KCNJ6: variants seen among roughly 807,000 people sequenced by gnomAD.
KCNJ6 encodes the protein G protein-activated inward rectifier potassium channel 2.
KCNJ6 carries 9 observed loss-of-function variants against 34.2 expected under a neutral mutation model. That is an observed-to-expected ratio of 0.26 (90% CI 0.16 to 0.46). The LOEUF is 0.46. Ranked by LOEUF, KCNJ6 falls within the 20% of genes least tolerant of loss-of-function variation. The probability of loss-of-function intolerance (pLI) is 1.00; values close to 1 mark genes in which losing one functional copy is unlikely to be tolerated. For synonymous variants in KCNJ6, 196 were observed against 207.1 expected, an observed-to-expected ratio of 0.95 and a Z score of 0.46; for missense variants, 236 against 531.3, an observed-to-expected ratio of 0.44 and a Z score of 5.46.
intron 1 of KCNJ6, among the ~76,000 whole-genome samples, chr21:37,877,015 G>C (rs939992401): frequency 6.6e-6 from 1 of 152,122 alleles, no homozygotes; most frequent in Non-Finnish European, 1.5e-5. Flanking sequence ...TTATTACTAT[G>C]AGTCATGTTC....
chr21:37,915,700 CT>C (rs1331359458), intron 1 of KCNJ6, among the ~76,000 whole-genome samples, 183 bp downstream of exon 1: 1 of 152,260 alleles, frequency 6.6e-6, no homozygotes, highest in Non-Finnish European at 1.5e-5. Flanking sequence ...GATTCCCCTT[CT>C]GTTATGTAAC....
chr21:37,755,669 C>T (rs760225712), intron 2 of KCNJ6, among the ~76,000 whole-genome samples: 4 of 152,204 alleles, frequency 2.6e-5, no homozygotes, highest in Non-Finnish European at 5.9e-5. Context: ...TGTGTTTAGC[C>T]AGCAAGGGAG....
intron 2 of KCNJ6, among the ~76,000 whole-genome samples, chr21:37,836,324 A>T (rs144736978): frequency 6.6e-6 from 1 of 152,364 alleles, no homozygotes; most frequent in African/African-American, 2.4e-5. Flanking sequence ...AGTGGAATAC[A>T]GTGTGGCGAT....
At chr21:37,801,723 G>A (rs1405877949) in intron 2 of KCNJ6, among the ~76,000 whole-genome samples, 1 of 136,566 alleles carries the variant, frequency 7.3e-6, no homozygotes, top group Admixed American at 7.8e-5. Context: ...CTCCTAGGCA[G>A]CACTGTGATT....
intron 2 of KCNJ6, among the ~76,000 whole-genome samples, chr21:37,835,908 T>G (rs544680112): frequency 1.3e-5 from 2 of 152,206 alleles, no homozygotes; most frequent in Non-Finnish European, 2.9e-5. Context: ...AAATATCCAC[T>G]GTGAAGATGC....
intron 2 of KCNJ6, among the ~76,000 whole-genome samples, chr21:37,753,097 C>A (rs1360451630): frequency 6.6e-6 from 1 of 152,188 alleles, no homozygotes; most frequent in Non-Finnish European, 1.5e-5. Context: ...GGCGAGACGG[C>A]CGCATGGAAA....
intron 3 of KCNJ6, among the ~76,000 whole-genome samples, chr21:37,631,573 C>T (rs1206684131): frequency 2.0e-5 from 3 of 152,060 alleles, no homozygotes; most frequent in Non-Finnish European, 4.4e-5. Context: ...AATAGCAGGA[C>T]GATTGGAGAA....
intron 3 of KCNJ6, among the ~76,000 whole-genome samples, chr21:37,686,908 G>A (rs2054618284): frequency 6.6e-6 from 1 of 152,112 alleles, no homozygotes; most frequent in African/African-American, 2.4e-5. Flanking sequence ...ATGGAGGGTG[G>A]GCAGAGGTGG....
chr21:37,840,544 C>T (rs2055475007), intron 2 of KCNJ6, 114 bp downstream of exon 2: 2 of 696,462 alleles, frequency 2.9e-6, no homozygotes, highest in Non-Finnish European at 2.5e-6. Flanking sequence ...ATCTCGGTCC[C>T]GTAAGAGCAA....
At chr21:37,658,690 C>T (rs141319884) in intron 3 of KCNJ6, among the ~76,000 whole-genome samples, 28 of 152,320 alleles carry the variant, frequency 1.8e-4, no homozygotes, top group African/African-American at 6.5e-4. Context: ...GGGGAAGGGA[C>T]GCTGAGGCCA....
intron 1 of KCNJ6, among the ~76,000 whole-genome samples, chr21:37,878,981 C>T (rs904857454): frequency 6.6e-6 from 1 of 152,196 alleles, no homozygotes; most frequent in East Asian, 1.9e-4. Flanking sequence ...GGGCAGGGAC[C>T]GTGTATTGAT....
chr21:37,832,655 C>G (rs1259381870), intron 2 of KCNJ6, among the ~76,000 whole-genome samples: 1 of 152,136 alleles, frequency 6.6e-6, no homozygotes, highest in Non-Finnish European at 1.5e-5. Context: ...CCATCCTGGT[C>G]TGTCTGTCCT....
intron 2 of KCNJ6, among the ~76,000 whole-genome samples, chr21:37,832,388 G>A (rs145486209): frequency 6.6e-6 from 1 of 152,062 alleles, no homozygotes; most frequent in African/African-American, 2.4e-5. Flanking sequence ...TCTGCCCCGC[G>A]TGAGGTGACA....
At chr21:37,774,127 A>G (rs2055130509) in intron 2 of KCNJ6, among the ~76,000 whole-genome samples, 1 of 152,134 alleles carries the variant, frequency 6.6e-6, no homozygotes, top group Non-Finnish European at 1.5e-5. Context: ...TACTGATAGC[A>G]TAACAGGTAA....
chr21:37,708,093 T>C (rs1347714207), intron 3 of KCNJ6, among the ~76,000 whole-genome samples: 1 of 152,158 alleles, frequency 6.6e-6, no homozygotes, highest in Non-Finnish European at 1.5e-5. Flanking sequence ...TTATGGCCCA[T>C]TTGGAGAAGG....
intron 2 of KCNJ6, among the ~76,000 whole-genome samples, chr21:37,833,946 G>A (rs551246159): frequency 1.3e-5 from 2 of 152,250 alleles, no homozygotes; most frequent in Non-Finnish European, 2.9e-5. Context: ...TCTAGCCCTG[G>A]GGTGTCTCGA....
At chr21:37,799,813 C>T (rs1299737183) in intron 2 of KCNJ6, among the ~76,000 whole-genome samples, 1 of 152,130 alleles carries the variant, frequency 6.6e-6, no homozygotes, top group Non-Finnish European at 1.5e-5. Context: ...TTCCCAGAAG[C>T]CCTAATTTTG....
intron 3 of KCNJ6, among the ~76,000 whole-genome samples, chr21:37,628,787 G>A (rs538391521): frequency 2.0e-4 from 30 of 152,256 alleles, no homozygotes; most frequent in Middle Eastern, 3.4e-3. Flanking sequence ...CTTGAAGGCA[G>A]CAAAAGATAA....
chr21:37,810,140 C>A (rs918621991), intron 2 of KCNJ6, among the ~76,000 whole-genome samples: 3 of 152,160 alleles, frequency 2.0e-5, no homozygotes, highest in Non-Finnish European at 4.4e-5. Context: ...CACACACACA[C>A]ACAAACACAC....
Sources: allele counts gnomAD v4.1 joint callset (sites outside exome capture counted in the v4.1 genomes callset), GRCh38; gene constraint gnomAD v4.1.1; transcripts MANE v1.5; gene names NCBI Gene and HGNC (gene_info 2026-07-23, HGNC 2026-07-21).